Variants in MAN1B1 observed in about 807,000 individuals in gnomAD.
MAN1B1 encodes endoplasmic reticulum mannosyl-oligosaccharide 1,2-alpha-mannosidase.
In MAN1B1, 66 loss-of-function variants were observed where a neutral mutation model predicts 75.5. The observed-to-expected ratio is 0.87, with a 90% CI of 0.72 to 1.07. The LOEUF (loss-of-function observed/expected upper bound fraction) is 1.07, where lower values mean the gene tolerates loss of function less well. MAN1B1 is among the 50% of genes least tolerant of loss of function. The probability of loss-of-function intolerance (pLI) is 0.00; values close to 1 mark genes in which losing one functional copy is unlikely to be tolerated. For missense variants in MAN1B1, 973 were observed against 912.5 expected (o/e 1.07, Z -0.85); for synonymous variants, 453 against 382.8 (o/e 1.18, Z -2.14).
chr9:137,102,896 A>C, intron 8 of MAN1B1: 1 of 408,648 alleles, frequency 2.4e-6, no homozygotes, highest in Non-Finnish European at 4.7e-6. Context: ...GCAGGCGTGC[A>C]GGTCAGTGGT....
chr9:137,090,166 T>C (rs1461728734), intron 3 of MAN1B1, among the ~76,000 whole-genome samples: 1 of 152,022 alleles, frequency 6.6e-6, no homozygotes, highest in East Asian at 1.9e-4. Context: ...AACAGCCAAA[T>C]CCCCGACACC....
chr9:137,090,326 C>T (rs2130990440), intron 3 of MAN1B1, among the ~76,000 whole-genome samples: 1 of 152,232 alleles, frequency 6.6e-6, no homozygotes, highest in African/African-American at 2.4e-5. Flanking sequence ...GGCCAGAGTC[C>T]TCAGCGCCAG....
At chr9:137,088,504 T>A in intron 2 of MAN1B1, 1 of 1,264,978 alleles carries the variant, frequency 7.9e-7, no homozygotes, top group Non-Finnish European at 1.1e-6. Context: ...TTAGCGTGTG[T>A]TTGGAAAAGA....
chr9:137,107,755 G>C, intron 12 of MAN1B1, 93 bp downstream of exon 12: 2 of 1,593,428 alleles, frequency 1.3e-6, no homozygotes, highest in Non-Finnish European at 1.7e-6. Flanking sequence ...TCTTGGTGGT[G>C]GCTGTGACCT....
Position 137,096,359 on chromosome 9 carries a change from C to T in MAN1B1, c.588C>T (p.Arg196=). 6.2e-7 allele frequency: 1 copy of T among 1,613,832 alleles called. No individual in the cohort carries two copies. The highest frequency in any genetic ancestry group is 8.5e-7 in the Non-Finnish European group (1 of 1,179,988). The change falls in exon 4 of 13, where the codon CGC becomes CGT. Residue 196 remains arginine, a synonymous_variant. Transcript: ENST00000371589. ...TKRQEAPVDP[R]PEGDPQRTVI... ...GGCAAGAAGCCCCTGTGGATCCCCG[C>T]CCGGAAGGAGATCCGCAGAGGACAG... is the stretch of plus-strand genomic sequence containing the variant.
intron 2 of MAN1B1, chr9:137,088,424 C>T (rs1319983067): frequency 6.4e-7 from 1 of 1,558,182 alleles, no homozygotes; most frequent in Non-Finnish European, 8.7e-7. Flanking sequence ...TCCAGCCTCC[C>T]TTATAGAGTA....
In MAN1B1 at chr9:137,101,542, C is replaced by T. The variant is rs1377349742; in HGVS notation, c.1124C>T (p.Ser375Leu). ...AGAACACCATCCAAGATTCCTTACT[C>T]GGATGTGAACATCGGTACTGGAGTT... is the stretch of plus-strand genomic sequence containing the variant. ...AFRTPSKIPY[S>L]DVNIGTGVAH... The change falls in exon 8 of 13, where the codon TCG (serine) becomes TTG (leucine). Residue 375 changes from serine (S) to leucine (L), a missense_variant. Ser to Leu is a moderately radical substitution (Grantham distance 145). Coordinates refer to ENST00000371589, the MANE Select transcript of MAN1B1 (RefSeq NM_016219.5). 10 of 1,613,922 alleles carry T rather than the reference C, an allele frequency of 6.2e-6. No individual in the cohort carries two copies. The highest frequency in any genetic ancestry group is 5.0e-5 in the Admixed American group (3 of 60,026).
chr9:137,102,543 T>C, intron 8 of MAN1B1: 2 of 419,686 alleles, frequency 4.8e-6, no homozygotes, highest in Admixed American at 2.6e-5. Context: ...TGCAGGTCGG[T>C]GGTGTTACAC....
intron 3 of MAN1B1, among the ~76,000 whole-genome samples, chr9:137,093,697 G>T (rs1029028359): frequency 2.0e-5 from 3 of 151,938 alleles, no homozygotes; most frequent in African/African-American, 7.2e-5. Context: ...AGCCGGGCGT[G>T]GTGGCAGGCA....
At position 137,106,716 on chromosome 9, in the gene MAN1B1, C is replaced by T. The variant is rs377008800; in HGVS notation, c.1473C>T (p.Ile491=). The T allele has an allele frequency of 1.4e-5, 22 of 1,613,368 alleles. No individual in the cohort carries two copies. The highest frequency in any genetic ancestry group is 1.6e-4 in the Middle Eastern group (1 of 6,084). The change falls in exon 10 of 13, where the codon ATC becomes ATT. Residue 491 remains isoleucine, a synonymous_variant. Coordinates refer to ENST00000371589, the MANE Select transcript of MAN1B1 (RefSeq NM_016219.5). The part of the protein sequence containing the change: ...TQLLEDYVEA[I]EGVRTHLLRH... ...TGCTGGAAGACTACGTGGAAGCCAT[C>T]GAGGGTGTCAGAACGCACCTGCTGC...
intron 3 of MAN1B1, among the ~76,000 whole-genome samples, chr9:137,093,453 G>A (rs946760634): frequency 2.0e-5 from 3 of 152,198 alleles, no homozygotes; most frequent in African/African-American, 7.2e-5. Context: ...GAGTAATCCT[G>A]ATACTAAAAT....
Position 137,097,820 on chromosome 9 carries a change from C to T in MAN1B1, c.621-8C>T. 6.5e-7 allele frequency: 1 copy of T among 1,548,152 alleles called. No individual in the cohort carries two copies. Among genetic ancestry groups the T allele is most frequent in the Non-Finnish European group, 8.7e-7 (1 of 1,144,150 alleles). ...ACGGCAGCTGACACCCTTCCTTCTC[C>T]CCCGAAGCTGGAGGGGAGCGGTGAT... On this transcript the variant is annotated splice_region_variant and splice_polypyrimidine_tract_variant and intron_variant, in intron 4 of 12. Coordinates refer to ENST00000371589, the MANE Select transcript of MAN1B1 (RefSeq NM_016219.5).
At chr9:137,102,189 CGGT>C (rs1368399210) in intron 8 of MAN1B1, 2 of 431,152 alleles carry the variant, frequency 4.6e-6, no homozygotes, top group South Asian at 1.6e-5. Flanking sequence ...GAGTACAGGT[CGGT>C]GGTGTTACAC....
At chr9:137,101,920 G>A (rs748184849) in intron 8 of MAN1B1, 13 of 624,960 alleles carry the variant, frequency 2.1e-5, no homozygotes, top group South Asian at 1.9e-4. Flanking sequence ...CAGGTCGGTG[G>A]TGTTACACAC....
At position 137,108,404 on chromosome 9, in the gene MAN1B1, A is replaced by C; in HGVS notation, c.1913A>C (p.Tyr638Ser). Residue 638 changes from tyrosine (Y) to serine (S), a missense_variant, in exon 13 of 13, where the codon TAT becomes TCT. Transcript: ENST00000371589. ...SRFTRVPSGGYSSINNVQDPQ... is the reference protein window; with the variant it reads ...SRFTRVPSGGSSSINNVQDPQ... ...GCTGCACAGGTCCCCTCGGGTGGCTATTCTTCCATCAACAATGTCCAGGAT... is the reference window on the plus strand; with the variant it reads ...GCTGCACAGGTCCCCTCGGGTGGCTCTTCTTCCATCAACAATGTCCAGGAT... 1 of 1,613,674 alleles carries C rather than the reference A, an allele frequency of 6.2e-7. No individual in the cohort carries two copies. The highest frequency in any genetic ancestry group is 8.5e-7 in the Non-Finnish European group (1 of 1,179,978).
intron 3 of MAN1B1, among the ~76,000 whole-genome samples, chr9:137,091,521 A>ATTTTTT (rs964752016): frequency 2.2e-5 from 2 of 89,920 alleles, no homozygotes; most frequent in Admixed American, 1.4e-4. Flanking sequence ...TTTGTTTTAT[A>ATTTTTT]TTTTTTTTTT....
intron 3 of MAN1B1, among the ~76,000 whole-genome samples, chr9:137,089,805 G>C (rs1020754564): frequency 6.6e-6 from 1 of 152,116 alleles, no homozygotes; most frequent in East Asian, 1.9e-4. Flanking sequence ...GTGAGTCCCC[G>C]GGTGGAGGGG....
Position 137,099,711 on chromosome 9 carries a change from G to T in MAN1B1, c.746G>T (p.Arg249Leu), listed in dbSNP as rs561918454. The T allele has an allele frequency of 1.2e-6, 2 of 1,614,194 alleles. No individual in the cohort carries two copies. Among genetic ancestry groups the T allele is most frequent in the Admixed American group, 1.7e-5 (1 of 60,036 alleles). ...CCCCTACTAGTGCATCTGAACTATC[G>T]CCAGAAGGGCGTGATTGACGTCTTC... ...TQGTPVHLNY[R>L]QKGVIDVFLH... Residue 249 changes from arginine (R) to leucine (L), a missense_variant, in exon 6 of 13, where the codon CGC (arginine) becomes CTC (leucine). Coordinates refer to ENST00000371589, the MANE Select transcript of MAN1B1 (RefSeq NM_016219.5).
In MAN1B1 at chr9:137,101,564, A is replaced by C; in HGVS notation, c.1146A>C (p.Gly382=). 1 of 1,613,850 alleles carries C rather than the reference A, an allele frequency of 6.2e-7. No homozygotes were observed. Among genetic ancestry groups the C allele is most frequent in the East Asian group, 2.2e-5 (1 of 44,872 alleles). The change falls in exon 8 of 13, where the codon GGA becomes GGC. Residue 382 remains glycine (G), a synonymous_variant. Coordinates refer to ENST00000371589, the MANE Select transcript of MAN1B1 (RefSeq NM_016219.5). ...IPYSDVNIGT[G]VAHPPRWTSD... ...ACTCGGATGTGAACATCGGTACTGG[A>C]GTTGCCCACCCGCCACGGTGGACCT...
Sources: allele counts gnomAD v4.1 joint callset (sites outside exome capture counted in the v4.1 genomes callset), GRCh38; gene constraint gnomAD v4.1.1; transcripts MANE v1.5; gene names NCBI Gene and HGNC (gene_info 2026-07-23, HGNC 2026-07-21).